TEX36: variants seen among roughly 807,000 people sequenced by gnomAD.
TEX36 encodes testis-expressed protein 36.
Under a neutral mutation model 13.6 loss-of-function variants are expected in TEX36, and 12 were observed. That is an observed-to-expected ratio of 0.88 (90% confidence interval 0.56 to 1.43). TEX36 has a LOEUF of 1.43. Among genes scored for constraint, TEX36 ranks in the 40% most tolerant of loss-of-function variants. TEX36 has a pLI of 0.00. For missense variants in TEX36, 224 were observed against 228.3 expected, an observed-to-expected ratio of 0.98 and a Z score of 0.12; for synonymous variants, 93 against 83.0, an observed-to-expected ratio of 1.12 and a Z score of -0.65.
In TEX36 at chr10:125,580,696, A is replaced by G. The variant is rs369324924; in HGVS notation, c.265-3822T>C. Among the ~76,000 whole-genome samples the G allele has an allele frequency of 2.6e-5, 4 of 152,234 alleles. No individual in the cohort carries two copies. In the East Asian group the frequency reaches 7.7e-4, roughly 29 times the overall value. On this transcript the variant is annotated intron_variant, in intron 3 of 3. Coordinates refer to the TEX36 transcript ENST00000532135. ...AAAGTCCAATGACCAGAAAGGGTGC[A>G]AGCTTCTACTGACCTCAGCCTCCCG... is the stretch of plus-strand genomic sequence containing the variant.
chr10:125,585,366 A>G (rs188407548), intron 3 of TEX36, among the ~76,000 whole-genome samples: 1 of 152,292 alleles, frequency 6.6e-6, no homozygotes, highest in East Asian at 1.9e-4. Flanking sequence ...ACAATACCCC[A>G]AAGTATGGCA....
chr10:125,654,583 G>GA (rs1273339905), downstream of TEX36, among the ~76,000 whole-genome samples: 1 of 151,944 alleles, frequency 6.6e-6, no homozygotes, highest in African/African-American at 2.4e-5. Context: ...TTCATGTACA[G>GA]AAAAAAATTC....
rs7075320 is a variant in TEX36 at position 125,589,084 on chromosome 10, A to G, written c.265-12210T>C. ...GATATGGAGAGGAAAACATCAAACA[A>G]TATCAGAATGATTTTCAGCATCTTC... On this transcript the variant is annotated intron_variant, in intron 3 of 3. Coordinates refer to the TEX36 transcript ENST00000532135. 8.8e-3 allele frequency among the ~76,000 whole-genome samples: 1,335 copies of G among 152,322 alleles called. 18 individuals are homozygous for G. The highest frequency in any genetic ancestry group is 0.03 in the African/African-American group (1,257 of 41,574).
At chr10:125,597,217 G>A (rs941624752) in intron 3 of TEX36, among the ~76,000 whole-genome samples, 2 of 152,114 alleles carry the variant, frequency 1.3e-5, no homozygotes, top group Non-Finnish European at 2.9e-5. Context: ...CCTGAGGCTT[G>A]GACTTCACAT....
chr10:125,631,413 G>C (rs1846552853), intron 3 of TEX36, among the ~76,000 whole-genome samples: 1 of 152,208 alleles, frequency 6.6e-6, no homozygotes, highest in Non-Finnish European at 1.5e-5. Context: ...CTGTATGACG[G>C]AGGAGAGCCC....
chr10:125,639,840 T>C (rs1338128518), intron 3 of TEX36, among the ~76,000 whole-genome samples: 1 of 152,230 alleles, frequency 6.6e-6, no homozygotes, highest in Non-Finnish European at 1.5e-5. Flanking sequence ...CCTGTGAGAT[T>C]ATGTTGAGAC....
chr10:125,648,630 T>C (rs1025538059), intron 3 of TEX36, among the ~76,000 whole-genome samples: 21 of 152,204 alleles, frequency 1.4e-4, no homozygotes, highest in Admixed American at 9.2e-4. Context: ...TCGGCAGCAA[T>C]GGAACAAAGC....
rs185792214 is a variant in TEX36 at position 125,579,300 on chromosome 10, C to T, written c.265-2426G>A. On this transcript the variant is annotated intron_variant, in intron 3 of 3. Transcript: ENST00000532135. ...TGGTGAAAGAGGAAGCAAACACGTCCTTCTTCACAAGGCAGCAGGAAGGAA... is the reference window on the plus strand; with the variant it reads ...TGGTGAAAGAGGAAGCAAACACGTCTTTCTTCACAAGGCAGCAGGAAGGAA... Among the ~76,000 whole-genome samples, 5 of 152,274 alleles carry T rather than the reference C, an allele frequency of 3.3e-5. No individual in the cohort carries two copies. In the East Asian group the frequency reaches 9.7e-4, roughly 30 times the overall value.
intron 3 of TEX36, among the ~76,000 whole-genome samples, chr10:125,588,719 A>T (rs1179005052): frequency 1.3e-5 from 2 of 152,152 alleles, no homozygotes; most frequent in Non-Finnish European, 2.9e-5. Context: ...GGTTCAAGCG[A>T]TTCTCCTGCC....
chr10:125,681,739 T>C (rs1847397348), intron 1 of TEX36, among the ~76,000 whole-genome samples: 1 of 152,268 alleles, frequency 6.6e-6, no homozygotes. Context: ...TATACACGTA[T>C]ATGTACACAT....
intron 3 of TEX36, among the ~76,000 whole-genome samples, chr10:125,615,341 G>C (rs1846342788): frequency 6.6e-6 from 1 of 152,292 alleles, no homozygotes; most frequent in East Asian, 1.9e-4. Context: ...TGGTGAGAGA[G>C]TGCATCCCTG....
At chr10:125,604,446 T>G (rs1033436648) in intron 3 of TEX36, among the ~76,000 whole-genome samples, 1 of 151,070 alleles carries the variant, frequency 6.6e-6, no homozygotes. Context: ...GAGGCTGAAG[T>G]GGGAGGATCA....
intron 3 of TEX36, among the ~76,000 whole-genome samples, chr10:125,650,039 A>G (rs2133583928): frequency 6.6e-6 from 1 of 152,188 alleles, no homozygotes; most frequent in East Asian, 1.9e-4. Context: ...TTCCCACACA[A>G]TAATTATGGG....
At chr10:125,614,601 G>A (rs1329576886) in intron 3 of TEX36, among the ~76,000 whole-genome samples, 2 of 152,126 alleles carry the variant, frequency 1.3e-5, no homozygotes, top group Non-Finnish European at 2.9e-5. Context: ...TAGATATGCA[G>A]CGTTATTTCT....
At chr10:125,639,788 C>T (rs757458370) in intron 3 of TEX36, among the ~76,000 whole-genome samples, 3 of 152,198 alleles carry the variant, frequency 2.0e-5, no homozygotes, top group African/African-American at 4.8e-5. Context: ...TGAGGCATTG[C>T]TTTCAATACA....
downstream of TEX36, among the ~76,000 whole-genome samples, chr10:125,653,533 T>C (rs544137385): frequency 1.3e-5 from 2 of 151,726 alleles, no homozygotes; most frequent in African/African-American, 4.8e-5. Context: ...ATATACCTAA[T>C]ATAAATGACG....
intron 3 of TEX36, among the ~76,000 whole-genome samples, chr10:125,581,982 A>T (rs1201345045): frequency 6.6e-6 from 1 of 152,196 alleles, no homozygotes; most frequent in Non-Finnish European, 1.5e-5. Context: ...CTCCACTCAT[A>T]CAAGGCCACA....
intron 3 of TEX36, among the ~76,000 whole-genome samples, chr10:125,616,071 A>G (rs1027277485): frequency 5.9e-5 from 9 of 152,164 alleles, no homozygotes; most frequent in Admixed American, 1.3e-4. Context: ...TTATTTGCGT[A>G]GAGGTGTTTG....
At chr10:125,596,917 C>G (rs898733662) in intron 3 of TEX36, among the ~76,000 whole-genome samples, 2 of 152,210 alleles carry the variant, frequency 1.3e-5, no homozygotes, top group Non-Finnish European at 2.9e-5. Context: ...TTTGTAATCT[C>G]TCCTGTTAAC....
Sources: allele counts gnomAD v4.1 joint callset (sites outside exome capture counted in the v4.1 genomes callset), GRCh38; gene constraint gnomAD v4.1.1; transcripts MANE v1.5; gene names NCBI Gene and HGNC (gene_info 2026-07-23, HGNC 2026-07-21).